The following XKR9 variants were observed in gnomAD, a reference collection of about 807,000 sequenced individuals.
XKR9 encodes the protein XK-related protein 9.
In XKR9, 32 loss-of-function variants were observed where a neutral mutation model predicts 32.0. The observed-to-expected ratio is 1.00, with a 90% CI of 0.76 to 1.34. The LOEUF is 1.34. Among genes scored for constraint, XKR9 ranks in the 40% most tolerant of loss-of-function variants. The probability of loss-of-function intolerance (pLI) is 0.00; values close to 1 mark genes in which losing one functional copy is unlikely to be tolerated. For missense variants in XKR9, 546 were observed against 429.7 expected (o/e 1.27, Z -2.39); for synonymous variants, 168 against 143.4 (o/e 1.17, Z -1.22).
chr8:70,963,747 T>C, the XKR9 span, among the ~76,000 whole-genome samples: 13 of 152,256 alleles, frequency 8.5e-5, no homozygotes, highest in Non-Finnish European at 1.9e-4. Flanking sequence ...AATATATTTG[T>C]TGGCTGCATG....
rs763326499 is a variant in XKR9, at chr8:70,734,125, T to G, written c.823T>G (p.Phe275Val). The change falls in exon 5 of 5, where the codon TTT becomes GTT. Residue 275 changes from phenylalanine to valine, a missense_variant. Physicochemically the swap from Phe to Val is conservative, Grantham distance 50 (BLOSUM62 -1). Coordinates refer to ENST00000408926, the MANE Select transcript of XKR9 (RefSeq NM_001011720.2). ...TGTTGGATTCATTCTTATCTTTACA[T>G]TTTTTAATATTAAGGGACAGAATAC... ...IVVGFILIFTFFNIKGQNTKC... is the reference protein window; with the variant it reads ...IVVGFILIFTVFNIKGQNTKC... The G allele has an allele frequency of 5.0e-6, 8 of 1,612,198 alleles. No homozygotes were observed. In the East Asian group the frequency reaches 1.8e-4, roughly 36 times the overall value.
intron 2 of XKR9, among the ~76,000 whole-genome samples, chr8:70,756,774 T>G (rs1239336579): frequency 6.6e-6 from 1 of 152,226 alleles, no homozygotes. Flanking sequence ...TTTCTACATA[T>G]AAGATCATGT....
At chr8:70,848,440 CA>C in the XKR9 span, among the ~76,000 whole-genome samples, 1 of 151,424 alleles carries the variant, frequency 6.6e-6, no homozygotes, top group Non-Finnish European at 1.5e-5. Flanking sequence ...AAGTCCTGGC[CA>C]AAGAAATTAT....
the XKR9 span, among the ~76,000 whole-genome samples, chr8:71,047,116 AG>A: frequency 6.6e-6 from 1 of 152,230 alleles, no homozygotes; most frequent in Non-Finnish European, 1.5e-5. Flanking sequence ...CAAATGAAAA[AG>A]CTTTATGAGA....
At chr8:70,951,138 G>T in the XKR9 span, among the ~76,000 whole-genome samples, 1 of 152,200 alleles carries the variant, frequency 6.6e-6, no homozygotes, top group South Asian at 2.1e-4. Flanking sequence ...AGGAGAAAGG[G>T]CCTGGAGGGC....
chr8:70,948,420 A>G, the XKR9 span, among the ~76,000 whole-genome samples: 8 of 152,132 alleles, frequency 5.3e-5, no homozygotes, highest in South Asian at 6.2e-4. Flanking sequence ...TATTGAATCA[A>G]TTCAGGTTAA....
the XKR9 span, among the ~76,000 whole-genome samples, chr8:71,012,091 A>G: frequency 6.6e-6 from 1 of 152,098 alleles, no homozygotes; most frequent in Non-Finnish European, 1.5e-5. Flanking sequence ...TTATTGTGCT[A>G]CTGTTCCGTA....
At chr8:70,774,732 T>C (rs1373480) in intron 2 of XKR9, among the ~76,000 whole-genome samples, 61,363 of 152,010 alleles carry the variant, frequency 0.4, 13,932 homozygotes, top group Non-Finnish European at 0.52. Context: ...TGGTCCATTA[T>C]TGGGCTGTCT....
At position 70,733,957 on chromosome 8, in the gene XKR9, A is replaced by G. The variant is rs1387409554; in HGVS notation, c.655A>G (p.Ser219Gly). 1 of 1,612,412 alleles carries G rather than the reference A, an allele frequency of 6.2e-7. No homozygotes were observed. Among genetic ancestry groups the G allele is most frequent in the Admixed American group, 1.7e-5 (1 of 59,804 alleles). The change falls in exon 5 of 5, where the codon AGT becomes GGT. Residue 219 changes from serine to glycine, a missense_variant. By Grantham distance (56) the Ser-to-Gly change is moderately conservative. Coordinates refer to ENST00000408926, the MANE Select transcript of XKR9 (RefSeq NM_001011720.2). The part of the protein sequence containing the change: ...KLFTLLSWML[S>G]VVLLLFLNVK... Reference sequence around the variant, plus strand: ...GTTTACATTATTATCGTGGATGCTGAGTGTTGTACTTCTACTATTCTTAAA... The same window carrying G: ...GTTTACATTATTATCGTGGATGCTGGGTGTTGTACTTCTACTATTCTTAAA...
the XKR9 span, among the ~76,000 whole-genome samples, chr8:70,828,001 T>G: frequency 6.6e-6 from 1 of 152,184 alleles, no homozygotes; most frequent in Non-Finnish European, 1.5e-5. Flanking sequence ...ACTTTGGGCT[T>G]TTATATGCTT....
chr8:71,000,118 G>T, the XKR9 span, among the ~76,000 whole-genome samples: 1 of 152,114 alleles, frequency 6.6e-6, no homozygotes, highest in Non-Finnish European at 1.5e-5. Flanking sequence ...CATCAAATTA[G>T]ACATTCTCTT....
chr8:70,949,696 G>A, the XKR9 span, among the ~76,000 whole-genome samples: 28 of 152,094 alleles, frequency 1.8e-4, no homozygotes, highest in African/African-American at 6.3e-4. Flanking sequence ...GCTTCGGAGG[G>A]GATGAGTCTC....
chr8:70,752,294 C>G (rs1807153453), intron 2 of XKR9, among the ~76,000 whole-genome samples: 1 of 152,120 alleles, frequency 6.6e-6, no homozygotes, highest in Non-Finnish European at 1.5e-5. Context: ...GTTGTTATAC[C>G]TGAATACCCG....
chr8:70,734,114 T>G lies in XKR9; in HGVS notation c.812T>G (p.Leu271Arg). 1 of 1,612,600 alleles carries G rather than the reference T, an allele frequency of 6.2e-7. No homozygotes were observed. The highest frequency in any genetic ancestry group is 8.5e-7 in the Non-Finnish European group (1 of 1,178,948). ...TATAGGATTGTTGTTGGATTCATTC[T>G]TATCTTTACATTTTTTAATATTAAG... ...FLYRIVVGFI[L>R]IFTFFNIKGQ... The change falls in exon 5 of 5, where the codon CTT becomes CGT. Residue 271 changes from leucine (L) to arginine (R), a missense_variant. Coordinates refer to ENST00000408926, the MANE Select transcript of XKR9 (RefSeq NM_001011720.2).
At chr8:70,821,051 C>T in the XKR9 span, among the ~76,000 whole-genome samples, 1 of 152,186 alleles carries the variant, frequency 6.6e-6, no homozygotes, top group African/African-American at 2.4e-5. Context: ...CAAAGCAAGT[C>T]CCTTCTGTCT....
chr8:70,802,449 T>G, the XKR9 span, among the ~76,000 whole-genome samples: 1 of 152,224 alleles, frequency 6.6e-6, no homozygotes, highest in African/African-American at 2.4e-5. Context: ...ACTCTATGCC[T>G]TTTAATTGGG....
chr8:70,902,169 GT>G, the XKR9 span, among the ~76,000 whole-genome samples: 3 of 152,168 alleles, frequency 2.0e-5, no homozygotes, highest in Non-Finnish European at 4.4e-5. Context: ...CTTTAAGGTA[GT>G]TTTTTCCAAT....
At chr8:70,742,755 A>G (rs1030070423) in intron 2 of XKR9, among the ~76,000 whole-genome samples, 1 of 152,116 alleles carries the variant, frequency 6.6e-6, no homozygotes, top group African/African-American at 2.4e-5. Flanking sequence ...TGTTTCTGAT[A>G]AAAAGTTAGT....
the XKR9 span, among the ~76,000 whole-genome samples, chr8:70,979,285 G>A: frequency 1.3e-5 from 2 of 152,150 alleles, no homozygotes; most frequent in Admixed American, 6.6e-5. Flanking sequence ...CACTGCTGGC[G>A]AGGAGCTGCA....
Sources: allele counts gnomAD v4.1 joint callset (sites outside exome capture counted in the v4.1 genomes callset), GRCh38; gene constraint gnomAD v4.1.1; transcripts MANE v1.5; gene names NCBI Gene and HGNC (gene_info 2026-07-23, HGNC 2026-07-21).